The following ADAMTS5 variants were observed in gnomAD, a reference collection of about 807,000 sequenced individuals.
The protein encoded by ADAMTS5 is ADAM metallopeptidase with thrombospondin type 1 motif 5.
Under a neutral mutation model 81.4 loss-of-function variants are expected in ADAMTS5, and 54 were observed. The ratio of observed to expected loss-of-function variants is 0.66; its 90% CI spans 0.53 to 0.83. ADAMTS5 has a LOEUF of 0.83. ADAMTS5 is among the 40% of genes least tolerant of loss of function. The pLI is 0.00. For synonymous variants in ADAMTS5, 532 were observed against 508.8 expected, an observed-to-expected ratio of 1.05 and a Z score of -0.61; for missense variants, 1,194 against 1,229.9, an observed-to-expected ratio of 0.97 and a Z score of 0.44.
At position 26,940,229 on chromosome 21, in the gene ADAMTS5, C is replaced by T. The variant is rs540910803; in HGVS notation, c.1405+3151G>A. Among the ~76,000 whole-genome samples, 10 of 152,236 alleles carry T rather than the reference C, an allele frequency of 6.6e-5. No individual in the cohort carries two copies. The East Asian group carries it at 1.7e-3, about 26-fold the overall frequency. On this transcript the variant is annotated intron_variant, in intron 3 of 7. Transcript: ENST00000284987. Reference sequence around the variant, plus strand: ...TAAGATATTAGACATAAATGGAATTCCCATTTATAATGTACTCTTTAGGTA... The same window carrying T: ...TAAGATATTAGACATAAATGGAATTTCCATTTATAATGTACTCTTTAGGTA...
chr21:26,953,483 A>G (rs1273367016), intron 2 of ADAMTS5, among the ~76,000 whole-genome samples: 4 of 152,194 alleles, frequency 2.6e-5, no homozygotes, highest in African/African-American at 9.7e-5. Context: ...ATGCAATTAC[A>G]CTGTACCTTG....
chr21:26,956,958 A>G (rs1987438425), intron 1 of ADAMTS5, among the ~76,000 whole-genome samples: 1 of 152,214 alleles, frequency 6.6e-6, no homozygotes, highest in African/African-American at 2.4e-5. Flanking sequence ...GAACAGAAGC[A>G]CTTGTTATTT....
At chr21:26,956,322 C>A (rs1452430942) in intron 1 of ADAMTS5, among the ~76,000 whole-genome samples, 3 of 152,174 alleles carry the variant, frequency 2.0e-5, no homozygotes, top group African/African-American at 7.2e-5. Flanking sequence ...AGATAAGTTA[C>A]AGTGTGGCCA....
Position 26,924,474 on chromosome 21 carries a change from A to G in ADAMTS5, c.2372T>C (p.Met791Thr). ...AATGATAGTCTCTGAAGTGGAGATC[A>G]TGTACTTTCCATTGATAAGGTACTC... ...NGEYLINGKY[M>T]ISTSETIIDI... is the part of the protein sequence containing the mutation. Residue 791 changes from methionine to threonine, a missense_variant, in exon 8 of 8, where the codon ATG becomes ACG. This residue lies in a region of ADAMTS5 where 696 missense variants were observed against 817.6 expected (regional missense o/e 0.85). Coordinates refer to ENST00000284987, the MANE Select transcript of ADAMTS5 (RefSeq NM_007038.5). The G allele has an allele frequency of 6.2e-7, 1 of 1,614,186 alleles. No homozygotes were observed. The highest frequency in any genetic ancestry group is 8.5e-7 in the Non-Finnish European group (1 of 1,180,024).
At chr21:26,930,637 C>A (rs558488333) in intron 6 of ADAMTS5, among the ~76,000 whole-genome samples, 8 of 152,150 alleles carry the variant, frequency 5.3e-5, no homozygotes, top group Non-Finnish European at 1.0e-4. Flanking sequence ...CTGGAAGAGA[C>A]TGAATATATT....
chr21:26,924,187 A>T lies in ADAMTS5; in HGVS notation c.2659T>A (p.Cys887Ser), dbSNP rs1177874433. 6.2e-7 allele frequency: 1 copy of T among 1,614,228 alleles called. No homozygotes were observed. The highest frequency in any genetic ancestry group is 8.5e-7 in the Non-Finnish European group (1 of 1,180,024). Residue 887 changes from cysteine (C) to serine (S), a missense_variant, in exon 8 of 8, where the codon TGC becomes AGC. Around this residue, in one of 2 missense-constraint regions of ADAMTS5, gnomAD observed 696 missense variants for 817.6 expected, o/e 0.85. Transcript: ENST00000284987. ...CAACCTGTGTCACAGGTCCTAGAGC[A>T]GGCGAGCCATGGGCCCGTGACCCAC... ...PQWVTGPWLA[C>S]SRTCDTGWHT...
rs1986657794 is a variant in ADAMTS5, at chr21:26,919,885, T to A, written c.*4168A>T. On this transcript the variant is annotated 3_prime_UTR_variant, in exon 8 of 8. Coordinates refer to ENST00000284987, the MANE Select transcript of ADAMTS5 (RefSeq NM_007038.5). ...AACATACAAGTTCCTTTTCTGTGTGTCTAAATGATACATTGTCTTGAATTT... is the reference window on the plus strand; with the variant it reads ...AACATACAAGTTCCTTTTCTGTGTGACTAAATGATACATTGTCTTGAATTT... 1 of 152,086 alleles carries A rather than the reference T, an allele frequency of 6.6e-6. No individual in the cohort carries two copies. Among genetic ancestry groups the A allele is most frequent in the African/African-American group, 2.4e-5 (1 of 41,430 alleles). 9.4% of individuals were successfully genotyped at this position (152,086 alleles called of 1,614,324 possible).
At chr21:26,960,486 G>A (rs1987508948) in intron 1 of ADAMTS5, among the ~76,000 whole-genome samples, 1 of 152,230 alleles carries the variant, frequency 6.6e-6, no homozygotes, top group Non-Finnish European at 1.5e-5. Context: ...ACTCTAATCA[G>A]ATAGGGTTAG....
At chr21:26,942,096 G>A (rs1438705490) in intron 3 of ADAMTS5, among the ~76,000 whole-genome samples, 1 of 151,988 alleles carries the variant, frequency 6.6e-6, no homozygotes, top group Non-Finnish European at 1.5e-5. Context: ...TTTTCAAAAT[G>A]AGACAAGCAA....
intron 1 of ADAMTS5, among the ~76,000 whole-genome samples, chr21:26,962,168 G>T (rs1176121770): frequency 6.9e-6 from 1 of 144,800 alleles, no homozygotes; most frequent in Non-Finnish European, 1.5e-5. Context: ...TTCCTATTTT[G>T]TTATCAAGCA....
At chr21:26,951,319 G>C (rs1037921114) in intron 2 of ADAMTS5, among the ~76,000 whole-genome samples, 1 of 152,110 alleles carries the variant, frequency 6.6e-6, no homozygotes. Context: ...TTTGAGCACA[G>C]TAACACATTC....
At chr21:26,926,911 G>A (rs1465783074) in intron 7 of ADAMTS5, among the ~76,000 whole-genome samples, 2 of 152,180 alleles carry the variant, frequency 1.3e-5, no homozygotes, top group East Asian at 3.9e-4. Context: ...TCATCTTGAT[G>A]AGAATTAGTA....
intron 1 of ADAMTS5, among the ~76,000 whole-genome samples, chr21:26,960,996 C>T (rs981238544): frequency 1.3e-5 from 2 of 152,214 alleles, no homozygotes; most frequent in African/African-American, 4.8e-5. Context: ...GCAGCAATGA[C>T]CATTTCCCTG....
At position 26,924,242 on chromosome 21, in the gene ADAMTS5, AT is replaced by A. The variant is rs1364544644; in HGVS notation, c.2603del (p.Asn868IlefsTer42). On this transcript the variant is annotated frameshift_variant, in exon 8 of 8. Transcript: ENST00000284987. LOFTEE classifies it high-confidence loss of function. The part of the protein sequence containing the change: ...KVNSVTSHGS[N>X]KVGSHTSQPQ... ...GCTGCGAAGTGTGTGATCCCACTTTATTGCTGCCATGACTAGTGACAGAGTT... is the reference window on the plus strand; with the variant it reads ...GCTGCGAAGTGTGTGATCCCACTTTATGCTGCCATGACTAGTGACAGAGTT... The A allele has an allele frequency of 1.9e-6, 3 of 1,614,034 alleles. No homozygotes were observed. In the South Asian group the frequency reaches 3.3e-5, roughly 18 times the overall value.
intron 3 of ADAMTS5, among the ~76,000 whole-genome samples, chr21:26,942,353 T>C (rs1987130920): frequency 6.6e-6 from 1 of 152,192 alleles, no homozygotes; most frequent in South Asian, 2.1e-4. Context: ...ACGGTTGCCA[T>C]AGATTATTCA....
At position 26,920,766 on chromosome 21, in the gene ADAMTS5, C is replaced by T. The variant is rs1428127609; in HGVS notation, c.*3287G>A. The T allele has an allele frequency of 6.6e-6, 1 of 151,918 alleles. No individual in the cohort carries two copies. Among genetic ancestry groups the T allele is most frequent in the East Asian group, 1.9e-4 (1 of 5,182 alleles). The allele number at this position is 151,918 out of a possible 1,614,324, so 9.4% of individuals were successfully genotyped here. A position where few individuals can be genotyped will look rare whatever the true frequency, so the allele number is the denominator to read the frequency against. ...GAATAAGTGTTTTTCTTATTTGTGA[C>T]TTGGAAAAAATAGTGTTAATGTGAT... On this transcript the variant is annotated 3_prime_UTR_variant, in exon 8 of 8. Transcript: ENST00000284987.
At chr21:26,956,600 CA>C (rs1022151290) in intron 1 of ADAMTS5, among the ~76,000 whole-genome samples, 4 of 152,118 alleles carry the variant, frequency 2.6e-5, no homozygotes, top group Non-Finnish European at 5.9e-5. Context: ...TCTCTAGGAC[CA>C]AAAACCTAGG....
intron 1 of ADAMTS5, among the ~76,000 whole-genome samples, chr21:26,959,482 C>T (rs1436038614): frequency 6.6e-6 from 1 of 152,130 alleles, no homozygotes; most frequent in African/African-American, 2.4e-5. Flanking sequence ...GAATCCTGAA[C>T]TTACTTCACC....
Position 26,924,352 on chromosome 21 carries a change from C to T in ADAMTS5, c.2494G>A (p.Val832Met). ...GTGGGGTCTGTTGCAAGAATCTGCACTATTAGAATTTCCTTCGTGGCAGAG... is the reference window on the plus strand; with the variant it reads ...GTGGGGTCTGTTGCAAGAATCTGCATTATTAGAATTTCCTTCGTGGCAGAG... ...GYSATKEILIVQILATDPTKP... is the reference protein window; with the variant it reads ...GYSATKEILIMQILATDPTKP... Residue 832 changes from valine to methionine, a missense_variant, in exon 8 of 8, where the codon GTG (valine) becomes ATG (methionine). Physicochemically the swap from Val to Met is conservative, Grantham distance 21 (BLOSUM62 1). Transcript: ENST00000284987. 1.2e-6 allele frequency: 2 copies of T among 1,614,172 alleles called. No individual in the cohort carries two copies. Among genetic ancestry groups the T allele is most frequent in the South Asian group, 1.1e-5 (1 of 91,086 alleles).
Sources: allele counts gnomAD v4.1 joint callset (sites outside exome capture counted in the v4.1 genomes callset), GRCh38; gene constraint gnomAD v4.1.1; regional missense constraint gnomAD v4.1.1; transcripts MANE v1.5; gene names NCBI Gene and HGNC (gene_info 2026-07-23, HGNC 2026-07-21).